Variants in FCHSD1 observed in about 807,000 individuals in gnomAD.
The protein encoded by FCHSD1 is FCH and double SH3 domains 1.
Under a neutral mutation model 101.3 loss-of-function variants are expected in FCHSD1, and 109 were observed. That is an observed-to-expected ratio of 1.08 (90% CI 0.92 to 1.26). The LOEUF is 1.26. Among genes scored for constraint, FCHSD1 ranks in the 50% most tolerant of loss-of-function variants. The probability of loss-of-function intolerance (pLI) is 0.00; values close to 1 mark genes in which losing one functional copy is unlikely to be tolerated. For missense variants in FCHSD1, 820 were observed against 895.8 expected (o/e 0.92, Z 1.08); for synonymous variants, 291 against 356.8 (o/e 0.82, Z 2.08).
At chr5:141,642,553 A>G (rs1453525569) in intron 18 of FCHSD1, 2 of 534,014 alleles carry the variant, frequency 3.7e-6, no homozygotes, top group Non-Finnish European at 6.6e-6. Flanking sequence ...AAAAAGAAAA[A>G]AAGTGGGCAT....
chr5:141,639,803 C>T lies in FCHSD1; in HGVS notation c.*1695G>A. The T allele has an allele frequency of 7.6e-7, 1 of 1,316,438 alleles. No homozygotes were observed. The highest frequency in any genetic ancestry group is 1.1e-6 in the Non-Finnish European group (1 of 930,530). 81.5% of individuals were successfully genotyped at this position (1,316,438 alleles called of 1,614,324 possible). On this transcript the variant is annotated 3_prime_UTR_variant, in exon 20 of 20. Coordinates refer to ENST00000435817, the MANE Select transcript of FCHSD1 (RefSeq NM_033449.3). The surrounding 1 kb of genome is among the most constrained non-coding windows in gnomAD (Gnocchi z 4.4). ...TGTGCCCCACAATCTGAGAAGGCCT[C>T]CCCTACCTTAGGCCAGAGGGAAGTA...
Position 141,644,548 on chromosome 5 carries a change from C to T in FCHSD1, c.1642+25G>A, listed in dbSNP as rs201474232. 44 of 1,612,846 alleles carry T rather than the reference C, an allele frequency of 2.7e-5. No homozygotes were observed. The African/African-American group carries it at 5.6e-4, about 21-fold the overall frequency. On this transcript the variant is annotated intron_variant, in intron 16 of 19. Coordinates refer to ENST00000435817, the MANE Select transcript of FCHSD1 (RefSeq NM_033449.3). ...AATTTTTCTCCATACCCAGGGTCCT[C>T]TAACCCAAAATTTCCCTTTCTTACC...
rs771421299 is a variant in FCHSD1 at position 141,647,272 on chromosome 5, A to G, written c.829-42T>C. 5.1e-6 allele frequency: 8 copies of G among 1,579,562 alleles called. No homozygotes were observed. The East Asian group carries it at 1.8e-4, about 36-fold the overall frequency. On this transcript the variant is annotated intron_variant, in intron 9 of 19. Coordinates refer to ENST00000435817, the MANE Select transcript of FCHSD1 (RefSeq NM_033449.3). ...GTCAAAGTCACTCATTCACTGACTC[A>G]CTCTCCAACCCTGTCCCTAGCACTT...
chr5:141,651,412 A>G lies in FCHSD1; in HGVS notation c.-44T>C. 1 of 1,549,832 alleles carries G rather than the reference A, an allele frequency of 6.5e-7. No individual in the cohort carries two copies. Among genetic ancestry groups the G allele is most frequent in the Non-Finnish European group, 8.7e-7 (1 of 1,146,576 alleles). ...GTCAGCCACTGGACTCCGGAACTGG[A>G]GGAAGCCCCGCCCACTATGGAGCCC... On this transcript the variant is annotated 5_prime_UTR_variant, in exon 1 of 20. Transcript: ENST00000435817.
intron 18 of FCHSD1, chr5:141,642,664 T>C (rs1462395490): frequency 1.6e-5 from 9 of 547,966 alleles, no homozygotes; most frequent in Admixed American, 3.7e-5. Context: ...TTTAAAATAA[T>C]AACAGTGACT....
At position 141,640,457 on chromosome 5, in the gene FCHSD1, T is replaced by C. The variant is rs1003949336; in HGVS notation, c.*1041A>G. The stretch of plus-strand genomic sequence containing the variant: ...AGGGAGTATGTGAGGTGAGTCTGCC[T>C]GAGCCCTAAATGAGGTAATCTCATC... On this transcript the variant is annotated 3_prime_UTR_variant, in exon 20 of 20. Coordinates refer to ENST00000435817, the MANE Select transcript of FCHSD1 (RefSeq NM_033449.3). 1 of 1,614,148 alleles carries C rather than the reference T, an allele frequency of 6.2e-7. No homozygotes were observed. Among genetic ancestry groups the C allele is most frequent in the East Asian group, 2.2e-5 (1 of 44,872 alleles).
At chr5:141,646,001 C>T in intron 12 of FCHSD1, 69 bp from the exon 13 acceptor site, 1 of 1,539,380 alleles carries the variant, frequency 6.5e-7, no homozygotes, top group South Asian at 1.2e-5. Flanking sequence ...CTTCTCCCTT[C>T]CTTCCTCCCA....
chr5:141,650,509 G>C, intron 2 of FCHSD1, 105 bp from the exon 3 acceptor site: 1 of 1,356,862 alleles, frequency 7.4e-7, no homozygotes, highest in South Asian at 1.2e-5. Context: ...CGGTTGGGGG[G>C]AGCCAGGTTC....
At position 141,640,911 on chromosome 5, in the gene FCHSD1, A is replaced by G. The variant is rs1383604362; in HGVS notation, c.*587T>C. On this transcript the variant is annotated 3_prime_UTR_variant, in exon 20 of 20. Coordinates refer to ENST00000435817, the MANE Select transcript of FCHSD1 (RefSeq NM_033449.3). ...CTTCCCCAACACCTCGCTCCATATG[A>G]TAGAGCGTGGCAGCTGGGAGCAGGC... 3 of 551,090 alleles carry G rather than the reference A, an allele frequency of 5.4e-6. No homozygotes were observed. The highest frequency in any genetic ancestry group is 2.9e-5 in the East Asian group (1 of 34,422). 34.1% of individuals were successfully genotyped at this position (551,090 alleles called of 1,614,324 possible).
chr5:141,651,338 C>G lies in FCHSD1; in HGVS notation c.21+10G>C. Reference sequence around the variant, plus strand: ...GCCCGCCAGGAGTCCCCATTCAGGGCCAAGCTCACTTTTCGGGGCGGCGGC... The same window carrying G: ...GCCCGCCAGGAGTCCCCATTCAGGGGCAAGCTCACTTTTCGGGGCGGCGGC... On this transcript the variant is annotated intron_variant, in intron 1 of 19. Transcript: ENST00000435817. The G allele has an allele frequency of 6.4e-7, 1 of 1,554,068 alleles. No individual in the cohort carries two copies. The highest frequency in any genetic ancestry group is 8.7e-7 in the Non-Finnish European group (1 of 1,148,372).
intron 16 of FCHSD1, 53 bp from the exon 17 acceptor site, chr5:141,644,491 G>A: frequency 3.7e-6 from 6 of 1,607,660 alleles, no homozygotes; most frequent in Non-Finnish European, 5.1e-6. Context: ...AGTGCCCCAG[G>A]ACCATGACAC....
Position 141,641,528 on chromosome 5 carries a change from C to T in FCHSD1, c.2043G>A (p.Pro681=), listed in dbSNP as rs530774288. 31 of 1,514,752 alleles carry T rather than the reference C, an allele frequency of 2.0e-5. No homozygotes were observed. In the East Asian group the frequency reaches 2.1e-4, roughly 10 times the overall value. 93.8% of individuals were successfully genotyped at this position (1,514,752 alleles called of 1,614,324 possible). A position where few individuals can be genotyped will look rare whatever the true frequency, so the allele number is the denominator to read the frequency against. The change falls in exon 20 of 20, where the codon CCG becomes CCA. Residue 681 remains proline (P), a synonymous_variant. Coordinates refer to ENST00000435817, the MANE Select transcript of FCHSD1 (RefSeq NM_033449.3). The part of the protein sequence containing the change: ...RPPPPPPAKA[P]DPGHPDPLT ...TGAGGGGATCTGGGTGGCCAGGATC[C>T]GGGGCTTTAGCCGGCGGGGGAGGTG...
intron 15 of FCHSD1, 69 bp downstream of exon 15, chr5:141,644,790 A>G: frequency 1.9e-6 from 3 of 1,602,372 alleles, no homozygotes; most frequent in African/African-American, 2.7e-5. Context: ...AGAAGGGTCT[A>G]TGGAGGCCAC....
chr5:141,648,310 A>G (rs543310146), intron 7 of FCHSD1, among the ~76,000 whole-genome samples: 4 of 152,310 alleles, frequency 2.6e-5, no homozygotes, highest in African/African-American at 4.8e-5. Context: ...GTTCCTTACC[A>G]TGGTCCACCA....
At position 141,640,616 on chromosome 5, in the gene FCHSD1, A is replaced by G; in HGVS notation, c.*882T>C. On this transcript the variant is annotated 3_prime_UTR_variant, in exon 20 of 20. Transcript: ENST00000435817. ...GGAAGGTCCTGGAGCCCCAGGGGAA[A>G]AGCTGGACACAGCTTGAACAGGAAG... 1.3e-6 allele frequency: 2 copies of G among 1,540,950 alleles called. No individual in the cohort carries two copies. Among genetic ancestry groups the G allele is most frequent in the Non-Finnish European group, 1.7e-6 (2 of 1,144,834 alleles).
At chr5:141,650,577 C>T (rs911727976) in intron 2 of FCHSD1, among the ~76,000 whole-genome samples, 173 bp from the exon 3 acceptor site, 5 of 151,966 alleles carry the variant, frequency 3.3e-5, no homozygotes, top group East Asian at 3.9e-4. Context: ...GAGATCACCT[C>T]GGGCAGCTGC....
In FCHSD1 at chr5:141,641,024, G is replaced by A. The variant is rs1024694156; in HGVS notation, c.*474C>T. ...AGGCCCAGGCCCTGGCCTGGCCTTC[G>A]TGCCCTTTATTCATTGTCAATAAAT... On this transcript the variant is annotated 3_prime_UTR_variant, in exon 20 of 20. Transcript: ENST00000435817. The A allele has an allele frequency of 1.8e-5, 7 of 382,736 alleles. No homozygotes were observed. The highest frequency in any genetic ancestry group is 4.1e-5 in the African/African-American group (2 of 48,526). 23.7% of individuals were successfully genotyped at this position (382,736 alleles called of 1,614,324 possible).
intron 13 of FCHSD1, 40 bp downstream of exon 13, chr5:141,645,731 C>G: frequency 6.4e-7 from 1 of 1,574,200 alleles, no homozygotes. Context: ...GAGTTTTTCC[C>G]TTCTAAGTAA....
In FCHSD1 at chr5:141,651,398, G is replaced by T; in HGVS notation, c.-30C>A. On this transcript the variant is annotated 5_prime_UTR_variant, in exon 1 of 20. Coordinates refer to ENST00000435817, the MANE Select transcript of FCHSD1 (RefSeq NM_033449.3). The stretch of plus-strand genomic sequence containing the variant: ...GCTCCAGCAAGGCGGTCAGCCACTG[G>T]ACTCCGGAACTGGAGGAAGCCCCGC... 6.4e-7 allele frequency: 1 copy of T among 1,551,414 alleles called. No homozygotes were observed. The highest frequency in any genetic ancestry group is 2.4e-5 in the East Asian group (1 of 40,946).
Sources: gnomAD v4.1 joint callset for allele counts (sites outside exome capture counted in the v4.1 genomes callset) on GRCh38, gnomAD v4.1.1 for gene constraint, Gnocchi (gnomAD v3.1) non-coding constraint, MANE v1.5 for transcripts, NCBI Gene and HGNC (gene_info 2026-07-23, HGNC 2026-07-21) for gene names.